MOSPD2: variants seen among roughly 807,000 people sequenced by gnomAD.
The protein encoded by MOSPD2 is motile sperm domain containing 2.
A neutral mutation model predicts 41.7 loss-of-function variants in MOSPD2; 5 were observed. The observed-to-expected ratio is 0.12, with a 90% CI of 0.06 to 0.25. The LOEUF is 0.25. MOSPD2 is among the 10% of genes least tolerant of loss of function. MOSPD2 has a pLI of 1.00. For missense variants in MOSPD2, 282 were observed against 375.2 expected (o/e 0.75, Z 2.05); for synonymous variants, 115 against 126.9 (o/e 0.91, Z 0.63).
Position 14,920,320 on chromosome X carries a change from T to C in MOSPD2, c.*511T>C, listed in dbSNP as rs1569108048. The C allele has an allele frequency of 3.6e-5, 27 of 751,987 alleles. No homozygotes were observed. Among genetic ancestry groups the C allele is most frequent in the South Asian group, 3.4e-4 (5 of 14,682 alleles). 62.0% of individuals were successfully genotyped at this position (751,987 alleles called of 1,213,427 possible). A position where few individuals can be genotyped will look rare whatever the true frequency, so the allele number is the denominator to read the frequency against. ...AGAGGAATTTATGTAACCATGACTT[T>C]GTAATTTTGAGAATTCCTCCCAGTG... On this transcript the variant is annotated 3_prime_UTR_variant, in exon 15 of 15. Transcript: ENST00000380492.
Position 14,919,544 on chromosome X carries a change from C to T in MOSPD2, c.1420-128C>T, listed in dbSNP as rs185623172. ...TGCCCTGTTGCACTTCCACCTCCTT[C>T]CACCAGCCTTACAGAGTAGTGGGCC... On this transcript the variant is annotated intron_variant, in intron 14 of 14. Transcript: ENST00000380492. 3,874 of 501,495 alleles carry T rather than the reference C, an allele frequency of 7.7e-3. 20 individuals are homozygous for T. The highest frequency in any genetic ancestry group is 0.017 in the South Asian group (483 of 28,018). The allele number at this position is 501,495 out of a possible 1,213,427, so 41.3% of individuals were successfully genotyped here.
chrX:14,899,675 T>C (rs2092569768), intron 5 of MOSPD2, among the ~76,000 whole-genome samples: 1 of 108,778 alleles, frequency 9.2e-6, no homozygotes, highest in African/African-American at 3.3e-5. Context: ...TTTAGTTTAC[T>C]GCAATTAAAG....
chrX:14,887,210 A>G (rs958434024), intron 2 of MOSPD2, among the ~76,000 whole-genome samples: 3 of 112,457 alleles, frequency 2.7e-5, no homozygotes, highest in African/African-American at 9.7e-5. Flanking sequence ...AGTTTTCGTT[A>G]TTAGAATACT....
At chrX:14,892,940 T>C in intron 3 of MOSPD2, 62 bp downstream of exon 3, 1 of 851,065 alleles carries the variant, frequency 1.2e-6, no homozygotes, top group African/African-American at 2.0e-5. Context: ...TGTTTTACAT[T>C]TATCTAATCA....
chrX:14,903,079 A>G (rs2092575873), intron 7 of MOSPD2, 75 bp downstream of exon 7: 2 of 669,120 alleles, frequency 3.0e-6, no homozygotes, highest in Non-Finnish European at 4.7e-6. Flanking sequence ...TATTTCTACA[A>G]TTGTTTAAAA....
chrX:14,918,815 T>C (rs1690175022), intron 14 of MOSPD2, 33 bp downstream of exon 14: 1 of 906,460 alleles, frequency 1.1e-6, no homozygotes, highest in Non-Finnish European at 1.6e-6. Context: ...CAAACAAAGT[T>C]GTTAATGCTG....
chrX:14,912,171 A>G (rs952521036), intron 9 of MOSPD2, 78 bp from the exon 10 acceptor site: 2 of 586,144 alleles, frequency 3.4e-6, no homozygotes, highest in Admixed American at 4.1e-5. Context: ...TATGTTATGT[A>G]TAATAGTAGG....
At chrX:14,901,983 C>T (rs867252768) in intron 6 of MOSPD2, among the ~76,000 whole-genome samples, 4 of 89,179 alleles carry the variant, frequency 4.5e-5, no homozygotes, top group African/African-American at 1.1e-4. Context: ...TATATATATA[C>T]ACACACACAT....
At chrX:14,874,107 A>G (rs767061336) in intron 2 of MOSPD2, 385 of 251,104 alleles carry the variant, frequency 1.5e-3, no homozygotes, top group Admixed American at 2.7e-3. Context: ...CACCAGCAAC[A>G]CTAGCGAAAA....
intron 11 of MOSPD2, chrX:14,915,421 AT>A (rs745827057): frequency 9.4e-4 from 108 of 115,111 alleles, no homozygotes; most frequent in East Asian, 3.1e-3. Flanking sequence ...TTCACTGCTA[AT>A]TTTTTTTTTA....
intron 2 of MOSPD2, among the ~76,000 whole-genome samples, chrX:14,888,423 A>C (rs1386338567): frequency 1.8e-5 from 2 of 110,156 alleles, no homozygotes; most frequent in East Asian, 5.7e-4. Context: ...AATGAGTCTC[A>C]CGAGATCTGG....
intron 12 of MOSPD2, 135 bp downstream of exon 12, chrX:14,915,899 C>T (rs1416916599): frequency 5.0e-6 from 3 of 599,994 alleles, no homozygotes; most frequent in Admixed American, 7.1e-5. Flanking sequence ...CACCTCACCT[C>T]GCTGTAGACA....
intron 2 of MOSPD2, among the ~76,000 whole-genome samples, chrX:14,882,450 T>C (rs1260798875): frequency 9.0e-6 from 1 of 111,549 alleles, no homozygotes; most frequent in African/African-American, 3.3e-5. Flanking sequence ...GAGACTATAG[T>C]AAATACAATG....
intron 2 of MOSPD2, among the ~76,000 whole-genome samples, chrX:14,883,807 AAG>A (rs942212854): frequency 1.6e-4 from 18 of 112,351 alleles, no homozygotes; most frequent in African/African-American, 5.5e-4. Context: ...GAAGGAAAAA[AAG>A]AGTGATATTA....
intron 13 of MOSPD2, among the ~76,000 whole-genome samples, chrX:14,918,044 C>T (rs1026136563): frequency 2.7e-5 from 3 of 111,676 alleles, no homozygotes; most frequent in Admixed American, 1.9e-4. Context: ...AATTGTATTA[C>T]AGGAGGGCCT....
chrX:14,873,509 T>A lies in MOSPD2; in HGVS notation c.-20T>A, dbSNP rs1242297077. 31 of 1,210,258 alleles carry A rather than the reference T, an allele frequency of 2.6e-5. No individual in the cohort carries two copies. Among genetic ancestry groups the A allele is most frequent in the Non-Finnish European group, 3.1e-5 (28 of 895,134 alleles). ...GAACGGGCGACGGCGACAACCGCAA[T>A]CACATCCACGACGGTGATCATGGCA... On this transcript the variant is annotated 5_prime_UTR_variant, in exon 1 of 15. Transcript: ENST00000380492.
At chrX:14,901,814 T>C (rs758569399) in intron 6 of MOSPD2, among the ~76,000 whole-genome samples, 3 of 110,903 alleles carry the variant, frequency 2.7e-5, no homozygotes, top group Non-Finnish European at 5.7e-5. Context: ...CATTGAAATA[T>C]CTAAAGGAGT....
In MOSPD2 at chrX:14,918,790, T is replaced by C; in HGVS notation, c.1419+8T>C. 9.3e-7 allele frequency: 1 copy of C among 1,073,541 alleles called. No homozygotes were observed. The highest frequency in any genetic ancestry group is 2.5e-4 in the Middle Eastern group (1 of 4,029). 88.5% of individuals were successfully genotyped at this position (1,073,541 alleles called of 1,213,427 possible). On this transcript the variant is annotated splice_region_variant and intron_variant, in intron 14 of 14. Coordinates refer to ENST00000380492, the MANE Select transcript of MOSPD2 (RefSeq NM_152581.4). ...GAAGATATATGTCTACAAGTAAGTA[T>C]ACTTTCTTCCTACCCAAACAAAGTT...
rs965074360 is a variant in MOSPD2, at chrX:14,899,221, A to G, written c.478-1354A>G. Among the ~76,000 whole-genome samples, 10 of 108,281 alleles carry G rather than the reference A, an allele frequency of 9.2e-5. 1 individual carries two copies. The highest frequency in any genetic ancestry group is 3.0e-4 in the African/African-American group (9 of 30,460). The allele number at this position is 108,281 out of a possible 115,157, so 94.0% of individuals were successfully genotyped here. On this transcript the variant is annotated intron_variant, in intron 5 of 14. Transcript: ENST00000380492. ...GCTGAGCAATAGGGTTGATGGAGCTATTTCTTGTAGTCCCCATTAATAGAA... is the reference window on the plus strand; with the variant it reads ...GCTGAGCAATAGGGTTGATGGAGCTGTTTCTTGTAGTCCCCATTAATAGAA...
Sources: gnomAD v4.1 joint callset for allele counts (sites outside exome capture counted in the v4.1 genomes callset) on GRCh38, gnomAD v4.1.1 for gene constraint, MANE v1.5 for transcripts, NCBI Gene and HGNC (gene_info 2026-07-23, HGNC 2026-07-21) for gene names.